Variants in AGBL4 observed in about 807,000 individuals in gnomAD.
AGBL4 encodes cytosolic carboxypeptidase 6.
Under a neutral mutation model 66.4 loss-of-function variants are expected in AGBL4, and 58 were observed. The ratio of observed to expected loss-of-function variants is 0.87; its 90% CI spans 0.71 to 1.09. AGBL4 has a LOEUF of 1.09. Ranked by LOEUF, AGBL4 falls within the 50% of genes least tolerant of loss-of-function variation. The pLI is 0.00. For synonymous variants in AGBL4, 234 were observed against 222.9 expected, an observed-to-expected ratio of 1.05 and a Z score of -0.44; for missense variants, 579 against 631.0, an observed-to-expected ratio of 0.92 and a Z score of 0.88.
chr1:48,703,594 A>C lies in AGBL4; in HGVS notation c.635-40353T>G, dbSNP rs1646836828. 2.6e-5 allele frequency among the ~76,000 whole-genome samples: 4 copies of C among 152,316 alleles called. No homozygotes were observed. The South Asian group carries it at 8.3e-4, about 32-fold the overall frequency. On this transcript the variant is annotated intron_variant, in intron 6 of 13. Transcript: ENST00000371839. ...GTATCTACTTGAGTCAAAAGCCGAAAAGAGATCAGTGTTCCAGGCAATGTT... is the reference window on the plus strand; with the variant it reads ...GTATCTACTTGAGTCAAAAGCCGAACAGAGATCAGTGTTCCAGGCAATGTT...
chr1:48,680,556 C>G (rs1646439283), intron 6 of AGBL4, among the ~76,000 whole-genome samples: 1 of 152,140 alleles, frequency 6.6e-6, no homozygotes. Context: ...GCAGCTTAGC[C>G]CCAGGAAGTT....
At chr1:49,476,919 G>T (rs1056833323) in intron 3 of AGBL4, among the ~76,000 whole-genome samples, 1 of 152,022 alleles carries the variant, frequency 6.6e-6, no homozygotes, top group Non-Finnish European at 1.5e-5. Flanking sequence ...ATCAATAGAA[G>T]CCTGGCAGTA....
At chr1:49,616,765 C>T (rs1278764518) in intron 3 of AGBL4, among the ~76,000 whole-genome samples, 2 of 152,086 alleles carry the variant, frequency 1.3e-5, no homozygotes, top group Non-Finnish European at 2.9e-5. Context: ...TTTCATGACA[C>T]CAGAGGTTCA....
intron 9 of AGBL4, among the ~76,000 whole-genome samples, chr1:48,599,534 T>C (rs184197248): frequency 6.6e-6 from 1 of 152,388 alleles, no homozygotes; most frequent in Non-Finnish European, 1.5e-5. Flanking sequence ...AATGTCATTA[T>C]GCAGTGCTTA....
At chr1:49,983,390 G>A (rs1260069878) in intron 1 of AGBL4, among the ~76,000 whole-genome samples, 1 of 152,232 alleles carries the variant, frequency 6.6e-6, no homozygotes, top group African/African-American at 2.4e-5. Context: ...ACCTTGTGCT[G>A]CCTGCCCCAC....
intron 3 of AGBL4, among the ~76,000 whole-genome samples, chr1:49,574,869 T>G (rs1466254730): frequency 6.6e-6 from 1 of 151,868 alleles, no homozygotes; most frequent in Non-Finnish European, 1.5e-5. Context: ...CTGCTTGTCT[T>G]TATACAAGCA....
At chr1:49,811,806 C>T (rs1354860486) in intron 2 of AGBL4, among the ~76,000 whole-genome samples, 1 of 152,082 alleles carries the variant, frequency 6.6e-6, no homozygotes, top group African/African-American at 2.4e-5. Flanking sequence ...ATCTCATCCT[C>T]AATTTTGTCA....
chr1:48,625,987 A>C (rs1414279159), intron 9 of AGBL4, among the ~76,000 whole-genome samples: 1 of 152,168 alleles, frequency 6.6e-6, no homozygotes, highest in African/African-American at 2.4e-5. Context: ...TGTAGGAAAA[A>C]CTGTAAAAAT....
intron 2 of AGBL4, among the ~76,000 whole-genome samples, chr1:49,735,507 A>G (rs1649811399): frequency 6.6e-6 from 1 of 151,966 alleles, no homozygotes; most frequent in South Asian, 2.1e-4. Context: ...TCATTGTAAT[A>G]CCCATTTCAA....
intron 2 of AGBL4, among the ~76,000 whole-genome samples, chr1:49,706,673 T>C (rs1647236085): frequency 1.3e-5 from 2 of 152,216 alleles, no homozygotes; most frequent in South Asian, 4.1e-4. Context: ...TACTTTCTCA[T>C]GAGGGCATTT....
At chr1:48,742,932 T>A (rs1163286868) in intron 6 of AGBL4, among the ~76,000 whole-genome samples, 1 of 152,160 alleles carries the variant, frequency 6.6e-6, no homozygotes, top group Non-Finnish European at 1.5e-5. Flanking sequence ...TAATGTGAGG[T>A]ATGAATGTCA....
chr1:49,941,916 T>A (rs1003659283), intron 1 of AGBL4, among the ~76,000 whole-genome samples: 8 of 151,764 alleles, frequency 5.3e-5, no homozygotes, highest in Non-Finnish European at 1.0e-4. Context: ...ATAAAAGGAA[T>A]CCAAAATGGA....
intron 1 of AGBL4, among the ~76,000 whole-genome samples, chr1:49,981,076 A>G (rs540959346): frequency 6.6e-6 from 1 of 152,324 alleles, no homozygotes; most frequent in African/African-American, 2.4e-5. Context: ...TTATGAAGAA[A>G]CAAAGTTGAA....
intron 1 of AGBL4, among the ~76,000 whole-genome samples, chr1:49,986,010 C>A (rs910018740): frequency 1.3e-5 from 2 of 152,106 alleles, no homozygotes; most frequent in South Asian, 2.1e-4. Context: ...CTACTAAGGA[C>A]ATTCCAGATA....
chr1:48,646,143 A>C (rs112817304), intron 8 of AGBL4, among the ~76,000 whole-genome samples: 154 of 152,188 alleles, frequency 1.0e-3, no homozygotes, highest in African/African-American at 3.2e-3. Flanking sequence ...CTTGGAAGGG[A>C]GGGAACAACC....
intron 3 of AGBL4, among the ~76,000 whole-genome samples, chr1:49,422,696 C>T: frequency 6.6e-6 from 1 of 152,260 alleles, no homozygotes; most frequent in African/African-American, 2.4e-5. Flanking sequence ...CTACTTTCCC[C>T]TTCTTCACCC....
chr1:49,733,956 C>A (rs1649658981), intron 2 of AGBL4, among the ~76,000 whole-genome samples: 1 of 152,038 alleles, frequency 6.6e-6, no homozygotes, highest in Non-Finnish European at 1.5e-5. Context: ...GAATTCATCC[C>A]AAGGATGCAA....
At chr1:49,952,078 T>C (rs1046878510) in intron 1 of AGBL4, among the ~76,000 whole-genome samples, 2 of 151,698 alleles carry the variant, frequency 1.3e-5, no homozygotes, top group Non-Finnish European at 2.9e-5. Context: ...TGGAAATGGA[T>C]AGTGATAATG....
chr1:48,733,903 T>C (rs547833266), intron 6 of AGBL4, among the ~76,000 whole-genome samples: 2 of 152,176 alleles, frequency 1.3e-5, no homozygotes, highest in East Asian at 3.9e-4. Flanking sequence ...TCAGATACAG[T>C]CCCCAGATCC....
Sources: gnomAD v4.1 joint callset for allele counts (sites outside exome capture counted in the v4.1 genomes callset) on GRCh38, gnomAD v4.1.1 for gene constraint, MANE v1.5 for transcripts, NCBI Gene and HGNC (gene_info 2026-07-23, HGNC 2026-07-21) for gene names.